Variants in DENND2A observed in about 807,000 individuals in gnomAD.
The protein encoded by DENND2A is DENN domain-containing protein 2A.
In DENND2A, 53 loss-of-function variants were observed where a neutral mutation model predicts 105.3. That is an observed-to-expected ratio of 0.50 (90% confidence interval 0.40 to 0.63). The LOEUF is 0.63. Ranked by LOEUF, DENND2A falls within the 30% of genes least tolerant of loss-of-function variation. The probability of loss-of-function intolerance (pLI) is 0.00; values close to 1 mark genes in which losing one functional copy is unlikely to be tolerated. For missense variants in DENND2A, 1,138 were observed against 1,279.6 expected, an observed-to-expected ratio of 0.89 and a Z score of 1.69; for synonymous variants, 522 against 508.4, an observed-to-expected ratio of 1.03 and a Z score of -0.36.
intron 3 of DENND2A, among the ~76,000 whole-genome samples, chr7:140,592,795 G>T (rs1047025547): frequency 1.3e-5 from 2 of 151,544 alleles, no homozygotes; most frequent in African/African-American, 2.4e-5. Context: ...AGATAGGGGG[G>T]TTTCACCATG....
At chr7:140,519,978 G>A (rs888514502) in intron 18 of DENND2A, among the ~76,000 whole-genome samples, 10 of 148,834 alleles carry the variant, frequency 6.7e-5, no homozygotes, top group South Asian at 2.1e-4. Flanking sequence ...CCTTCCGAGC[G>A]TCTACACTGT....
chr7:140,594,293 C>T (rs901125884), intron 3 of DENND2A, among the ~76,000 whole-genome samples: 1 of 152,200 alleles, frequency 6.6e-6, no homozygotes, highest in Non-Finnish European at 1.5e-5. Context: ...CCCAAATCCA[C>T]ACCTTGTGTA....
At chr7:140,555,227 G>C (rs1162321440) in intron 12 of DENND2A, among the ~76,000 whole-genome samples, 2 of 151,452 alleles carry the variant, frequency 1.3e-5, no homozygotes, top group African/African-American at 4.9e-5. Context: ...TCCGCCTCCC[G>C]GGTTCAAGTG....
chr7:140,637,104 C>A (rs1024317226), intron 1 of DENND2A, among the ~76,000 whole-genome samples: 2 of 152,082 alleles, frequency 1.3e-5, no homozygotes, highest in African/African-American at 4.8e-5. Context: ...CCTGCCTCGG[C>A]CTCCCAAAGC....
chr7:140,552,467 C>G (rs1383391571), intron 12 of DENND2A, among the ~76,000 whole-genome samples: 2 of 151,860 alleles, frequency 1.3e-5, no homozygotes, highest in African/African-American at 4.8e-5. Context: ...GAACATGACT[C>G]GCTGCAGCCT....
rs147476447 is a variant in DENND2A at position 140,611,759 on chromosome 7, C to T, written c.-247-5953G>A. Among the ~76,000 whole-genome samples the T allele has an allele frequency of 3.3e-3, 497 of 152,186 alleles. 3 individuals carry two copies. The highest frequency in any genetic ancestry group is 0.011 in the African/African-American group (466 of 41,520). On this transcript the variant is annotated intron_variant, in intron 1 of 19. Coordinates refer to ENST00000496613, the MANE Select transcript of DENND2A (RefSeq NM_015689.5). ...TTCCATTTATATAAAATGTCCAGAG[C>T]GGGCAAATTCACAGAGACGGATGGT... is the stretch of plus-strand genomic sequence containing the variant.
chr7:140,570,165 G>A (rs1043200725), intron 6 of DENND2A, among the ~76,000 whole-genome samples: 9 of 152,116 alleles, frequency 5.9e-5, no homozygotes, highest in Non-Finnish European at 1.2e-4. Context: ...AAAATGCTGG[G>A]ATTACAGGCG....
At chr7:140,520,148 A>G (rs567354840) in intron 18 of DENND2A, among the ~76,000 whole-genome samples, 23 of 152,118 alleles carry the variant, frequency 1.5e-4, no homozygotes, top group African/African-American at 5.5e-4. Context: ...TACTGAAAAT[A>G]CAAAAAAATT....
intron 1 of DENND2A, among the ~76,000 whole-genome samples, chr7:140,610,870 C>G (rs910645039): frequency 3.2e-4 from 48 of 152,194 alleles, no homozygotes; most frequent in Non-Finnish European, 2.1e-4. Flanking sequence ...CCTGCTGGGC[C>G]TGCCCCATTG....
chr7:140,549,591 AT>A (rs201134540), intron 12 of DENND2A, among the ~76,000 whole-genome samples: 1,560 of 152,242 alleles, frequency 0.01, 36 homozygotes, highest in African/African-American at 0.036. Flanking sequence ...TATATCAATG[AT>A]TTTTTTCATG....
rs1227560734 is a variant in DENND2A at position 140,527,388 on chromosome 7, G to A, written c.2435C>T (p.Ser812Leu). The change falls in exon 15 of 20, where the codon TCG (serine) becomes TTG (leucine). Residue 812 changes from serine (S) to leucine (L), a missense_variant. This residue lies in a region of DENND2A where 627 missense variants were observed against 779.8 expected (regional missense o/e 0.80). Coordinates refer to ENST00000496613, the MANE Select transcript of DENND2A (RefSeq NM_015689.5). This position sits in a 1 kb window ranked among gnomAD's most constrained non-coding sequence, Gnocchi z 4.9. ...LPPAMVDIVCSPTPFLIGLLS... is the reference protein window; with the variant it reads ...LPPAMVDIVCLPTPFLIGLLS... ...CAGCCCGATGAGGAAGGGCGTCGGC[G>A]AGCACACGATGTCGACCATGGCGGG... 2 of 1,608,414 alleles carry A rather than the reference G, an allele frequency of 1.2e-6. No individual in the cohort carries two copies. Among genetic ancestry groups the A allele is most frequent in the South Asian group, 1.1e-5 (1 of 89,968 alleles).
rs182530582 is a variant in DENND2A at position 140,628,502 on chromosome 7, A to G, written c.-248+12002T>C. 8.1e-5 allele frequency among the ~76,000 whole-genome samples: 12 copies of G among 148,704 alleles called. No individual in the cohort carries two copies. The South Asian group carries it at 1.5e-3, about 19-fold the overall frequency. On this transcript the variant is annotated intron_variant, in intron 1 of 19. Coordinates refer to ENST00000496613, the MANE Select transcript of DENND2A (RefSeq NM_015689.5). ...CATTTTTATTTAGCTAACTTTCAAGATACGGGAAATCCCCTTTGGCCTAAA... is the reference window on the plus strand; with the variant it reads ...CATTTTTATTTAGCTAACTTTCAAGGTACGGGAAATCCCCTTTGGCCTAAA...
chr7:140,585,958 T>C (rs1437312173), intron 4 of DENND2A, among the ~76,000 whole-genome samples: 1 of 152,146 alleles, frequency 6.6e-6, no homozygotes, highest in African/African-American at 2.4e-5. Flanking sequence ...AATCTAGGTA[T>C]CCCAAATCCC....
intron 13 of DENND2A, among the ~76,000 whole-genome samples, 189 bp downstream of exon 13, chr7:140,546,610 T>C (rs1796918595): frequency 6.6e-6 from 1 of 152,116 alleles, no homozygotes; most frequent in Non-Finnish European, 1.5e-5. Context: ...GCTTGCCGCA[T>C]TGGGCAGAGT....
chr7:140,556,304 C>T (rs915566675), intron 11 of DENND2A, among the ~76,000 whole-genome samples: 2 of 151,964 alleles, frequency 1.3e-5, no homozygotes, highest in African/African-American at 4.8e-5. Context: ...GTGAGAGCCA[C>T]TGCACCCTGC....
Position 140,523,852 on chromosome 7 carries a change from C to T in DENND2A, c.2548-428G>A, listed in dbSNP as rs372239292. ...TCTCCCAAAGTGCTGGGATTACAGGCGTGAGCCACTGCACCTGGCCGAGCC... is the reference window on the plus strand; with the variant it reads ...TCTCCCAAAGTGCTGGGATTACAGGTGTGAGCCACTGCACCTGGCCGAGCC... On this transcript the variant is annotated intron_variant, in intron 16 of 19. Transcript: ENST00000496613. The surrounding 1 kb of genome is among the most constrained non-coding windows in gnomAD (Gnocchi z 4.5). Among the ~76,000 whole-genome samples, 19 of 152,286 alleles carry T rather than the reference C, an allele frequency of 1.2e-4. No homozygotes were observed. The East Asian group carries it at 1.5e-3, about 12-fold the overall frequency.
chr7:140,522,022 GAGT>G lies in DENND2A; in HGVS notation c.2741_2743del (p.Tyr914del). The G allele has an allele frequency of 6.2e-7, 1 of 1,614,206 alleles. No homozygotes were observed. Among genetic ancestry groups the G allele is most frequent in the Non-Finnish European group, 8.5e-7 (1 of 1,180,034 alleles). On this transcript the variant is annotated inframe_deletion, in exon 18 of 20. Coordinates refer to ENST00000496613, the MANE Select transcript of DENND2A (RefSeq NM_015689.5). ...ACGCTCGCCCGACGTCAGGAACAAA[GAGT>G]AGTGTCCCACAATCTCCACGAAGAA...
chr7:140,544,818 G>A (rs746236017), intron 13 of DENND2A, 52 bp from the exon 14 acceptor site: 1 of 1,549,756 alleles, frequency 6.5e-7, no homozygotes, highest in Non-Finnish European at 8.7e-7. Flanking sequence ...ACGCAGCCAG[G>A]CCTCTCACGG....
rs931050557 is a variant in DENND2A, at chr7:140,559,421, G to A, written c.1889+287C>T. The stretch of plus-strand genomic sequence containing the variant: ...TGAAGAGATGTTTCAGGATGAGAAC[G>A]GGGAAGGGCAATGTTGCCCTAACTT... On this transcript the variant is annotated intron_variant, in intron 10 of 19. Coordinates refer to ENST00000496613, the MANE Select transcript of DENND2A (RefSeq NM_015689.5). The surrounding 1 kb of genome is among the most constrained non-coding windows in gnomAD (Gnocchi z 4.1). 2.0e-5 allele frequency among the ~76,000 whole-genome samples: 3 copies of A among 152,192 alleles called. No individual in the cohort carries two copies. The highest frequency in any genetic ancestry group is 1.3e-4 in the Admixed American group (2 of 15,278).
Sources: gnomAD v4.1 joint callset for allele counts (sites outside exome capture counted in the v4.1 genomes callset) on GRCh38, gnomAD v4.1.1 for gene constraint, gnomAD v4.1.1 regional missense constraint, Gnocchi (gnomAD v3.1) non-coding constraint, MANE v1.5 for transcripts, NCBI Gene and HGNC (gene_info 2026-07-23, HGNC 2026-07-21) for gene names.